ESPN: variants seen among roughly 807,000 people sequenced by gnomAD.
ESPN encodes the protein espin, also known as autosomal recessive deafness type 36 protein.
A neutral mutation model predicts 77.7 loss-of-function variants in ESPN; 68 were observed. The ratio of observed to expected loss-of-function variants is 0.87; its 90% CI spans 0.72 to 1.07. The LOEUF (loss-of-function observed/expected upper bound fraction) is 1.07, where lower values mean the gene tolerates loss of function less well. Among genes scored for constraint, ESPN ranks in the 50% least tolerant of loss-of-function variants. ESPN has a pLI of 0.00. For missense variants in ESPN, 1,060 were observed against 1,239.0 expected (o/e 0.86, Z 2.17); for synonymous variants, 449 against 567.1 (o/e 0.79, Z 2.96).
At chr1:6,444,438 T>C (rs755894017) in intron 5 of ESPN, 43 bp from the exon 6 acceptor site, 1 of 1,603,418 alleles carries the variant, frequency 6.2e-7, no homozygotes, top group Non-Finnish European at 8.5e-7. Flanking sequence ...GCAACGCATC[T>C]TGGGGTATGG....
intron 3 of ESPN, 30 bp from the exon 4 acceptor site, chr1:6,440,596 C>CCCCCCCCAAAA: frequency 8.0e-6 from 9 of 1,127,580 alleles, no homozygotes; most frequent in Non-Finnish European, 1.1e-5. Flanking sequence ...GCCCAGCCCC[C>CCCCCCCCAAAA]GCCCCCCTCT....
At position 6,445,955 on chromosome 1, in the gene ESPN, T is replaced by C. The variant is rs1643821608; in HGVS notation, c.1464+20T>C. The C allele has an allele frequency of 6.2e-6, 10 of 1,611,362 alleles. No homozygotes were observed. Among genetic ancestry groups the C allele is most frequent in the Admixed American group, 1.7e-5 (1 of 59,868 alleles). On this transcript the variant is annotated intron_variant, in intron 7 of 12. Coordinates refer to ENST00000645284, the MANE Select transcript of ESPN (RefSeq NM_031475.3). ...AAGGAGGTAGTGAGCCCTCACCCCC[T>C]GCCTGCCTCCCAGCAGGGGGACTGG...
At chr1:6,441,398 AAG>A (rs1198279093) in intron 5 of ESPN, among the ~76,000 whole-genome samples, 3 of 152,174 alleles carry the variant, frequency 2.0e-5, no homozygotes, top group African/African-American at 7.2e-5. Context: ...CTCTGCAGAA[AAG>A]AGTGTTTAAG....
chr1:6,455,843 G>C, intron 10 of ESPN: 1 of 398,972 alleles, frequency 2.5e-6, no homozygotes, highest in Non-Finnish European at 4.4e-6. Flanking sequence ...AGGACCTCAG[G>C]CACCGGTTCT....
rs769933859 is a variant in ESPN at position 6,445,943 on chromosome 1, G to A, written c.1464+8G>A. On this transcript the variant is annotated splice_region_variant and intron_variant, in intron 7 of 12. Coordinates refer to ENST00000645284, the MANE Select transcript of ESPN (RefSeq NM_031475.3). ...GAGGCCCTCAAGAAGGAGGTAGTGA[G>A]CCCTCACCCCCTGCCTGCCTCCCAG... The A allele has an allele frequency of 6.2e-7, 1 of 1,612,292 alleles. No homozygotes were observed. Among genetic ancestry groups the A allele is most frequent in the Non-Finnish European group, 8.5e-7 (1 of 1,179,654 alleles).
At chr1:6,461,153 T>G, downstream of ESPN, 13 of 644,134 alleles carry the variant, frequency 2.0e-5, no homozygotes, top group East Asian at 6.6e-5. This position sits in a 1 kb window ranked among gnomAD's most constrained non-coding sequence, Gnocchi z 6.3. Flanking sequence ...AGAAGCCGTT[T>G]TTGTTTTGTT....
At position 6,449,003 on chromosome 1, in the gene ESPN, C is replaced by T. The variant is rs1478521755; in HGVS notation, c.1827C>T (p.Ala609=). 1.4e-6 allele frequency: 2 copies of T among 1,456,900 alleles called. No homozygotes were observed. Among genetic ancestry groups the T allele is most frequent in the Non-Finnish European group, 1.8e-6 (2 of 1,110,562 alleles). 90.2% of individuals were successfully genotyped at this position (1,456,900 alleles called of 1,614,324 possible). ...PPPPPPPLPE[A]ASSPPPAPPL... ...CGCCGCCGCCGCCCCTGCCGGAGGC[C>T]GCGAGTTCGCCACCGCCGGCCCCGC... The change falls in exon 8 of 13, where the codon GCC becomes GCT. Residue 609 remains alanine (A), a synonymous_variant. Coordinates refer to ENST00000645284, the MANE Select transcript of ESPN (RefSeq NM_031475.3).
At chr1:6,458,682 G>A (rs1049860433) in intron 12 of ESPN, among the ~76,000 whole-genome samples, 1 of 151,514 alleles carries the variant, frequency 6.6e-6, no homozygotes, top group African/African-American at 2.4e-5. Context: ...TGTAATCCCA[G>A]CACTTTGGGA....
Position 6,444,653 on chromosome 1 carries a change from C to A in ESPN, c.1163C>A (p.Ser388Tyr). 6.2e-7 allele frequency: 1 copy of A among 1,614,204 alleles called. No individual in the cohort carries two copies. Among genetic ancestry groups the A allele is most frequent in the Non-Finnish European group, 8.5e-7 (1 of 1,180,032 alleles). ...SNYDSCSSSHSSIKGQHPPCG... is the reference protein window; with the variant it reads ...SNYDSCSSSHYSIKGQHPPCG... ...TACGACTCCTGCTCCTCCAGCCACT[C>A]CAGCATCAAGGGCCAGCACCCTCCA... is the stretch of plus-strand genomic sequence containing the variant. Residue 388 changes from serine to tyrosine, a missense_variant, in exon 6 of 13, where the codon TCC (serine) becomes TAC (tyrosine). Around this residue, in one of 3 missense-constraint regions of ESPN, gnomAD observed 556 missense variants for 633.6 expected, o/e 0.88. Coordinates refer to ENST00000645284, the MANE Select transcript of ESPN (RefSeq NM_031475.3).
chr1:6,457,447 C>G (rs887551378), intron 12 of ESPN, 75 bp downstream of exon 12: 1 of 1,578,770 alleles, frequency 6.3e-7, no homozygotes, highest in African/African-American at 1.3e-5. Context: ...TTCATCCAGG[C>G]CAATTTGAGT....
chr1:6,435,123 C>A (rs1396587500), intron 2 of ESPN, among the ~76,000 whole-genome samples: 9 of 152,214 alleles, frequency 5.9e-5, no homozygotes, highest in Admixed American at 5.2e-4. Context: ...CAGGCCTACT[C>A]GGGAATCTTT....
At chr1:6,457,058 C>T in intron 10 of ESPN, 126 bp from the exon 11 acceptor site, 2 of 969,058 alleles carry the variant, frequency 2.1e-6, no homozygotes, top group South Asian at 1.4e-5. Context: ...CCTCCATCCA[C>T]TTGTCACACA....
intron 1 of ESPN, 21 bp downstream of exon 1, chr1:6,425,270 A>C: frequency 1.1e-5 from 17 of 1,564,800 alleles, no homozygotes; most frequent in Non-Finnish European, 1.5e-5. Context: ...GCGGTTCGCC[A>C]GGGGCACTGA....
chr1:6,440,711 A>G lies in ESPN; in HGVS notation c.761A>G (p.Lys254Arg). 1.3e-6 allele frequency: 2 copies of G among 1,545,636 alleles called. No individual in the cohort carries two copies. The highest frequency in any genetic ancestry group is 2.4e-5 in the East Asian group (1 of 41,064). ...TTCGCGGCGAGCCGCGGCCACACCA[A>G]GGTGCTCAGCTGGCTGCTGCTGCAC... Reference protein sequence around the residue: ...MHFAASRGHTKVLSWLLLHGG... With the variant: ...MHFAASRGHTRVLSWLLLHGG... The change falls in exon 4 of 13, where the codon AAG (lysine) becomes AGG (arginine). Residue 254 changes from lysine to arginine, a missense_variant. Coordinates refer to ENST00000645284, the MANE Select transcript of ESPN (RefSeq NM_031475.3).
intron 2 of ESPN, among the ~76,000 whole-genome samples, chr1:6,438,102 G>T (rs77829738): frequency 0.17 from 26,050 of 152,058 alleles, 4,318 homozygotes; most frequent in African/African-American, 0.44. Flanking sequence ...GTCCTGTGAA[G>T]AATTGGCCTC....
intron 10 of ESPN, chr1:6,454,372 C>A (rs1479921228): frequency 7.5e-6 from 3 of 398,700 alleles, no homozygotes; most frequent in Non-Finnish European, 1.3e-5. Context: ...CCCGGCGCCA[C>A]GGCGGGAGCT....
At chr1:6,438,201 C>T (rs1643501797) in intron 2 of ESPN, among the ~76,000 whole-genome samples, 1 of 152,194 alleles carries the variant, frequency 6.6e-6, no homozygotes, top group South Asian at 2.1e-4. Context: ...GTGGCTCCAC[C>T]TAGTGTCCTT....
intron 10 of ESPN, among the ~76,000 whole-genome samples, chr1:6,454,214 C>G (rs796230008): frequency 2.0e-5 from 3 of 152,170 alleles, no homozygotes; most frequent in African/African-American, 7.2e-5. Flanking sequence ...CCCCACGCCA[C>G]CGACCAAAGT....
rs539532322 is a variant in ESPN at position 6,452,891 on chromosome 1, A to ATTTTTAT, written c.2325+808_2325+814dup. Among the ~76,000 whole-genome samples, 13 of 123,372 alleles carry ATTTTTAT rather than the reference A, an allele frequency of 1.1e-4. No homozygotes were observed. The South Asian group carries it at 1.6e-3, about 15-fold the overall frequency. The allele number at this position is 123,372 out of a possible 152,430, so 80.9% of individuals were successfully genotyped here. A position where few individuals can be genotyped will look rare whatever the true frequency, so the allele number is the denominator to read the frequency against. On this transcript the variant is annotated intron_variant, in intron 10 of 12. Coordinates refer to ENST00000645284, the MANE Select transcript of ESPN (RefSeq NM_031475.3). ...AACAACTATTCCCCAAATGCCATTTATTTTTATTTTTTATTTTTTGAGACA... is the reference window on the plus strand; with the variant it reads ...AACAACTATTCCCCAAATGCCATTTATTTTTATTTTTTATTTTTTATTTTTTGAGACA...
Sources: gnomAD v4.1 joint callset for allele counts (sites outside exome capture counted in the v4.1 genomes callset) on GRCh38, gnomAD v4.1.1 for gene constraint, gnomAD v4.1.1 regional missense constraint, Gnocchi (gnomAD v3.1) non-coding constraint, MANE v1.5 for transcripts, NCBI Gene and HGNC (gene_info 2026-07-23, HGNC 2026-07-21) for gene names.